Variants in GRIP1 observed in about 807,000 individuals in gnomAD.
GRIP1 encodes glutamate receptor interacting protein 1, also known as glutamate receptor-interacting protein 1.
Under a neutral mutation model 129.9 loss-of-function variants are expected in GRIP1, and 45 were observed. The observed-to-expected ratio is 0.35, with a 90% CI of 0.27 to 0.44. GRIP1 has a LOEUF of 0.44. Ranked by LOEUF, GRIP1 falls within the 20% of genes least tolerant of loss-of-function variation. GRIP1 has a pLI of 1.00. For synonymous variants in GRIP1, 530 were observed against 520.8 expected (o/e 1.02, Z -0.24); for missense variants, 1,196 against 1,396.8 (o/e 0.86, Z 2.29).
At chr12:66,863,382 ATAAATATAT>A (rs1195543793) in intron 1 of GRIP1, among the ~76,000 whole-genome samples, 3 of 152,180 alleles carry the variant, frequency 2.0e-5, no homozygotes, top group Non-Finnish European at 4.4e-5. Flanking sequence ...AAATAAATCT[ATAAATATAT>A]TAGTACTTAA....
At chr12:66,410,721 C>T (rs1419493469) in intron 15 of GRIP1, among the ~76,000 whole-genome samples, 1 of 151,944 alleles carries the variant, frequency 6.6e-6, no homozygotes, top group African/African-American at 2.4e-5. Flanking sequence ...CCTCAAAAGG[C>T]CAAATCTAAG....
At chr12:66,373,787 C>T (rs940473898) in intron 22 of GRIP1, among the ~76,000 whole-genome samples, 3 of 152,314 alleles carry the variant, frequency 2.0e-5, no homozygotes, top group African/African-American at 4.8e-5. Context: ...AAGTCCCATA[C>T]AGATTGCATG....
intron 1 of GRIP1, among the ~76,000 whole-genome samples, chr12:66,689,756 A>C (rs1169989714): frequency 6.6e-6 from 1 of 152,136 alleles, no homozygotes; most frequent in Non-Finnish European, 1.5e-5. Context: ...CATGCTGTAC[A>C]TTAGATCTCC....
At chr12:66,783,981 C>A (rs1353475011) in intron 1 of GRIP1, among the ~76,000 whole-genome samples, 2 of 152,058 alleles carry the variant, frequency 1.3e-5, no homozygotes, top group Non-Finnish European at 1.5e-5. Context: ...TATTGTAAGA[C>A]TATCAAGGTT....
intron 1 of GRIP1, among the ~76,000 whole-genome samples, chr12:67,067,711 T>C (rs2043653622): frequency 1.3e-5 from 2 of 152,280 alleles, no homozygotes; most frequent in South Asian, 4.2e-4. Context: ...AAATTGTACA[T>C]TGGTTCTTCA....
At chr12:67,013,738 G>A (rs776356109) in intron 1 of GRIP1, among the ~76,000 whole-genome samples, 29 of 152,148 alleles carry the variant, frequency 1.9e-4, no homozygotes, top group Non-Finnish European at 3.5e-4. Flanking sequence ...ATTCTATCCA[G>A]CCTCCAACAT....
intron 13 of GRIP1, among the ~76,000 whole-genome samples, chr12:66,440,345 T>C (rs2058436991): frequency 1.3e-5 from 2 of 152,170 alleles, no homozygotes; most frequent in African/African-American, 4.8e-5. Context: ...TATTTTTAAA[T>C]GTATGATTAA....
At chr12:66,671,739 C>T (rs753499231) in intron 1 of GRIP1, among the ~76,000 whole-genome samples, 3 of 152,194 alleles carry the variant, frequency 2.0e-5, no homozygotes, top group Non-Finnish European at 4.4e-5. Flanking sequence ...GGTATCCAAA[C>T]GCTATTTCTC....
At chr12:66,842,158 A>C (rs1186178968) in intron 1 of GRIP1, among the ~76,000 whole-genome samples, 5 of 152,104 alleles carry the variant, frequency 3.3e-5, no homozygotes, top group Admixed American at 3.3e-4. Flanking sequence ...AAATGAATAA[A>C]ATTACCCAGA....
At chr12:66,855,062 CGT>C (rs1161887482) in intron 1 of GRIP1, among the ~76,000 whole-genome samples, 1 of 151,478 alleles carries the variant, frequency 6.6e-6, no homozygotes, top group Non-Finnish European at 1.5e-5. Flanking sequence ...TATTTATTGG[CGT>C]GTGTGAGGAG....
At chr12:67,048,771 T>G (rs1048726925) in intron 1 of GRIP1, among the ~76,000 whole-genome samples, 1 of 152,126 alleles carries the variant, frequency 6.6e-6, no homozygotes, top group Admixed American at 6.6e-5. Context: ...TACCTAACAG[T>G]TTTTAAAATG....
At chr12:66,857,215 G>A (rs1362793950) in intron 1 of GRIP1, among the ~76,000 whole-genome samples, 1 of 150,020 alleles carries the variant, frequency 6.7e-6, no homozygotes, top group African/African-American at 2.5e-5. Flanking sequence ...ACACACCGGG[G>A]CCTGTTGTGG....
intron 7 of GRIP1, among the ~76,000 whole-genome samples, chr12:66,478,331 T>C (rs914586599): frequency 4.9e-4 from 75 of 152,184 alleles, no homozygotes; most frequent in African/African-American, 1.7e-3. Flanking sequence ...CAATGAGATA[T>C]CATCTCACAC....
At chr12:66,582,987 C>A (rs1392566077) in intron 2 of GRIP1, among the ~76,000 whole-genome samples, 1 of 148,672 alleles carries the variant, frequency 6.7e-6, no homozygotes, top group Non-Finnish European at 1.5e-5. Flanking sequence ...GGAGGCATCA[C>A]GCTACCTGAC....
chr12:66,429,138 A>G (rs1175557708), intron 14 of GRIP1, among the ~76,000 whole-genome samples: 2 of 152,222 alleles, frequency 1.3e-5, no homozygotes, highest in African/African-American at 4.8e-5. Flanking sequence ...CTAAAATCAG[A>G]CAGACTCATT....
chr12:66,506,928 T>C (rs1316404702), intron 7 of GRIP1, among the ~76,000 whole-genome samples: 3 of 152,168 alleles, frequency 2.0e-5, no homozygotes, highest in Admixed American at 6.5e-5. Context: ...CCAATTTTTA[T>C]CTTAGAAAAA....
Position 67,029,109 on chromosome 12 carries a change from A to C in GRIP1, c.58+39941T>G, listed in dbSNP as rs137861821. ...AATAGTGAGACTGTCTCTACAAAAAAAATAAATTAAAAAAAATTTTTAGAT... is the reference window on the plus strand; with the variant it reads ...AATAGTGAGACTGTCTCTACAAAAACAATAAATTAAAAAAAATTTTTAGAT... On this transcript the variant is annotated intron_variant, in intron 1 of 1. Coordinates refer to the GRIP1 transcript ENST00000643019. Among the ~76,000 whole-genome samples, 185 of 152,230 alleles carry C rather than the reference A, an allele frequency of 1.2e-3. 2 individuals carry two copies. Among genetic ancestry groups the C allele is most frequent in the Admixed American group, 0.01 (159 of 15,272 alleles).
intron 1 of GRIP1, among the ~76,000 whole-genome samples, chr12:66,618,558 T>C (rs911320180): frequency 6.6e-6 from 1 of 152,132 alleles, no homozygotes; most frequent in South Asian, 2.1e-4. Context: ...CATGATTGAT[T>C]AGGATGTCAT....
intron 1 of GRIP1, among the ~76,000 whole-genome samples, chr12:66,895,803 A>G (rs545011139): frequency 6.6e-5 from 10 of 152,358 alleles, no homozygotes; most frequent in African/African-American, 1.9e-4. Context: ...TACACTCCAT[A>G]GTACACTGTG....
Sources: gnomAD v4.1 joint callset for allele counts (sites outside exome capture counted in the v4.1 genomes callset) on GRCh38, gnomAD v4.1.1 for gene constraint, MANE v1.5 for transcripts, NCBI Gene and HGNC (gene_info 2026-07-23, HGNC 2026-07-21) for gene names.